NTAN1: variants seen among roughly 807,000 people sequenced by gnomAD.
NTAN1 encodes protein N-terminal asparagine amidohydrolase.
NTAN1 carries 32 observed loss-of-function variants against 41.9 expected under a neutral mutation model. The observed-to-expected ratio is 0.76, with a 90% CI of 0.58 to 1.03. The LOEUF is 1.03. Among genes scored for constraint, NTAN1 ranks in the 50% least tolerant of loss-of-function variants. The pLI is 0.00. For synonymous variants in NTAN1, 140 were observed against 139.5 expected, an observed-to-expected ratio of 1.00 and a Z score of -0.03; for missense variants, 377 against 377.5, an observed-to-expected ratio of 1.00 and a Z score of 0.01.
At chr16:15,041,574 A>AC in intron 6 of NTAN1, 49 bp downstream of exon 6, 22 of 1,342,134 alleles carry the variant, frequency 1.6e-5, no homozygotes, top group Non-Finnish European at 2.4e-5. Context: ...TGGGGACAAA[A>AC]CGGTCCTGAG....
intron 1 of NTAN1, among the ~76,000 whole-genome samples, chr16:15,049,434 A>ATT (rs35440863): frequency 0.31 from 44,971 of 146,262 alleles, 7,202 homozygotes; most frequent in Admixed American, 0.45. Flanking sequence ...CTTTTATCTT[A>ATT]TTTTTTTTTT....
chr16:15,055,847 TC>T, intron 1 of NTAN1, 43 bp downstream of exon 1: 1 of 1,069,086 alleles, frequency 9.4e-7, no homozygotes, highest in Non-Finnish European at 1.2e-6. Flanking sequence ...CCCTGCAGCT[TC>T]CCCTCGGGCC....
intron 3 of NTAN1, 138 bp downstream of exon 3, chr16:15,047,717 G>C (rs2044132395): frequency 2.2e-6 from 2 of 899,902 alleles, no homozygotes; most frequent in Non-Finnish European, 3.7e-6. Flanking sequence ...GGACACCAGG[G>C]AGACACCATG....
intron 7 of NTAN1, chr16:15,040,512 T>C (rs1335364846): frequency 5.7e-6 from 1 of 174,800 alleles, no homozygotes; most frequent in East Asian, 1.6e-4. Context: ...ATCAATCAAG[T>C]ATCACCGCTA....
intron 3 of NTAN1, 47 bp downstream of exon 3, chr16:15,047,808 G>A (rs1431345450): frequency 6.9e-7 from 1 of 1,453,148 alleles, no homozygotes. Context: ...TGGTCCCAAA[G>A]GTTGGGTCAG....
intron 5 of NTAN1, 136 bp from the exon 6 acceptor site, chr16:15,041,812 C>T (rs2043828135): frequency 8.5e-6 from 6 of 706,386 alleles, no homozygotes; most frequent in South Asian, 7.0e-5. Context: ...CCCACACTGC[C>T]ACAGCCTGGC....
Position 15,056,045 on chromosome 16 carries a change from C to T in NTAN1, c.-74G>A. The T allele has an allele frequency of 3.1e-6, 2 of 636,356 alleles. No individual in the cohort carries two copies. Among genetic ancestry groups the T allele is most frequent in the Non-Finnish European group, 2.0e-6 (1 of 491,398 alleles). The allele number at this position is 636,356 out of a possible 1,614,324, so 39.4% of individuals were successfully genotyped here. On this transcript the variant is annotated 5_prime_UTR_variant, in exon 1 of 10. Transcript: ENST00000287706. ...TTTGCAGCCCCGGGCCGCCCGCCGC[C>T]CCCGCCCCTCGGGCCGCGCGTCCCG... is the stretch of plus-strand genomic sequence containing the variant.
At position 15,042,209 on chromosome 16, in the gene NTAN1, G is replaced by A. The variant is rs542599081; in HGVS notation, c.434-533C>T. Among the ~76,000 whole-genome samples, 235 of 137,674 alleles carry A rather than the reference G, an allele frequency of 1.7e-3. 1 individual carries two copies. Among genetic ancestry groups the A allele is most frequent in the African/African-American group, 5.8e-3 (215 of 36,990 alleles). The allele number at this position is 137,674 out of a possible 152,430, so 90.3% of individuals were successfully genotyped here. On this transcript the variant is annotated intron_variant, in intron 5 of 9. Transcript: ENST00000287706. ...TCTTTTTTTTTTTTTTTTTTGAGAT[G>A]GAGTCTTGCTCTGTCACCCAGGCTG... is the stretch of plus-strand genomic sequence containing the variant.
intron 3 of NTAN1, 84 bp from the exon 4 acceptor site, chr16:15,047,634 C>A: frequency 9.4e-7 from 1 of 1,067,356 alleles, no homozygotes; most frequent in South Asian, 1.3e-5. Context: ...TCCCTCCGGA[C>A]CGCCTCATCT....
chr16:15,040,956 T>G, intron 7 of NTAN1, 112 bp downstream of exon 7: 1 of 776,450 alleles, frequency 1.3e-6, no homozygotes, highest in Admixed American at 1.9e-5. Context: ...AGCTGGGATC[T>G]GAACCCAAAG....
At chr16:15,041,725 C>G (rs753091147) in intron 5 of NTAN1, 49 bp from the exon 6 acceptor site, 1 of 1,352,434 alleles carries the variant, frequency 7.4e-7, no homozygotes, top group South Asian at 1.2e-5. Flanking sequence ...CCTCTAGTTA[C>G]CAGAACAAAC....
chr16:15,044,283 G>A (rs754035848), intron 5 of NTAN1, 51 bp downstream of exon 5: 1 of 1,250,486 alleles, frequency 8.0e-7, no homozygotes, highest in Non-Finnish European at 1.2e-6. Flanking sequence ...AAGCAAATAT[G>A]GGTACATATT....
chr16:15,046,106 C>T (rs1403796114), intron 4 of NTAN1: 1 of 152,238 alleles, frequency 6.6e-6, no homozygotes, highest in African/African-American at 2.4e-5. Context: ...ATTACGTCCC[C>T]CTGCGGGGGC....
chr16:15,047,205 CA>C (rs1271273247), intron 4 of NTAN1: 1 of 526,858 alleles, frequency 1.9e-6, no homozygotes, highest in East Asian at 3.1e-5. Flanking sequence ...ACATCAAGTT[CA>C]AAGTCAAGCC....
intron 1 of NTAN1, among the ~76,000 whole-genome samples, chr16:15,050,898 T>C (rs2044267538): frequency 6.6e-6 from 1 of 151,356 alleles, no homozygotes; most frequent in South Asian, 2.1e-4. Flanking sequence ...AAACTAAAGA[T>C]TAAATGAACT....
At chr16:15,047,600 G>T in intron 3 of NTAN1, 50 bp from the exon 4 acceptor site, 1 of 1,346,396 alleles carries the variant, frequency 7.4e-7, no homozygotes, top group Non-Finnish European at 1.1e-6. Context: ...TGCGAGTGCA[G>T]TGCGCAGGCC....
intron 6 of NTAN1, 69 bp from the exon 7 acceptor site, chr16:15,041,190 A>G (rs1350171699): frequency 4.4e-5 from 46 of 1,047,542 alleles, no homozygotes; most frequent in Non-Finnish European, 3.6e-5. Flanking sequence ...ACTTTGTATA[A>G]TAAAGGCGAA....
chr16:15,048,606 T>C (rs577483614), intron 1 of NTAN1, among the ~76,000 whole-genome samples: 1 of 152,258 alleles, frequency 6.6e-6, no homozygotes, highest in South Asian at 2.1e-4. Context: ...AGTGGATGGA[T>C]GGCTCTGAAA....
At position 15,048,136 on chromosome 16, in the gene NTAN1, A is replaced by G. The variant is rs757752500; in HGVS notation, c.82-37T>C. 5 of 1,406,404 alleles carry G rather than the reference A, an allele frequency of 3.6e-6. No individual in the cohort carries two copies. The African/African-American group carries it at 7.2e-5, about 20-fold the overall frequency. 87.1% of individuals were successfully genotyped at this position (1,406,404 alleles called of 1,614,324 possible). On this transcript the variant is annotated intron_variant, in intron 1 of 9. Transcript: ENST00000287706. Reference sequence around the variant, plus strand: ...AAAAAAAAATAAAATAGTGATGTAAATTAGTGAGGATGGAAAAACTAAAGA... The same window carrying G: ...AAAAAAAAATAAAATAGTGATGTAAGTTAGTGAGGATGGAAAAACTAAAGA...
Sources: gnomAD v4.1 joint callset for allele counts (sites outside exome capture counted in the v4.1 genomes callset) on GRCh38, gnomAD v4.1.1 for gene constraint, MANE v1.5 for transcripts, NCBI Gene and HGNC (gene_info 2026-07-23, HGNC 2026-07-21) for gene names.